EPM2A: variants seen among roughly 807,000 people sequenced by gnomAD.
EPM2A encodes laforin.
Under a neutral mutation model 26.5 loss-of-function variants are expected in EPM2A, and 21 were observed. That is an observed-to-expected ratio of 0.79 (90% CI 0.56 to 1.14). EPM2A has a LOEUF of 1.14. Among genes scored for constraint, EPM2A ranks in the 50% most tolerant of loss-of-function variants. The pLI is 0.00. For synonymous variants in EPM2A, 217 were observed against 177.6 expected (o/e 1.22, Z -1.76); for missense variants, 458 against 440.8 (o/e 1.04, Z -0.35).
In EPM2A at chr6:145,626,404, A is replaced by G; in HGVS notation, c.*1012T>C. 9.1e-6 allele frequency: 9 copies of G among 985,930 alleles called. No individual in the cohort carries two copies. The highest frequency in any genetic ancestry group is 1.1e-5 in the Non-Finnish European group (9 of 829,998). The allele number at this position is 985,930 out of a possible 1,614,324, so 61.1% of individuals were successfully genotyped here. On this transcript the variant is annotated 3_prime_UTR_variant, in exon 4 of 4. Coordinates refer to ENST00000367519, the MANE Select transcript of EPM2A (RefSeq NM_005670.4). ...CTCTTTTGGTAGTATAGTTCCTCTC[A>G]TGAATTTCCACTCTGGTCTTAAAAC...
chr6:145,576,815 C>A (rs1025068432), intron 2 of EPM2A, among the ~76,000 whole-genome samples: 1 of 151,764 alleles, frequency 6.6e-6, no homozygotes, highest in Non-Finnish European at 1.5e-5. Context: ...AAACCTACAA[C>A]AATTTGTTCA....
chr6:145,648,968 T>C (rs1777680293), intron 2 of EPM2A, among the ~76,000 whole-genome samples: 1 of 152,162 alleles, frequency 6.6e-6, no homozygotes, highest in Admixed American at 6.6e-5. Flanking sequence ...ATTTTCTTTC[T>C]TGATAAAGGA....
intron 2 of EPM2A, among the ~76,000 whole-genome samples, chr6:145,553,856 AATAC>A (rs974768636): frequency 1.4e-5 from 2 of 147,658 alleles, no homozygotes; most frequent in African/African-American, 4.9e-5. Flanking sequence ...TATGTATATA[AATAC>A]ATATATATTA....
At chr6:145,663,112 G>A (rs899963291) in intron 2 of EPM2A, among the ~76,000 whole-genome samples, 15 of 152,108 alleles carry the variant, frequency 9.9e-5, no homozygotes, top group African/African-American at 3.6e-4. Context: ...GACATACTCT[G>A]CACTGTAAAA....
At position 145,388,651 on chromosome 6, in the gene EPM2A, C is replaced by T. The variant is rs139775865; in HGVS notation, c.556-4554G>A. 5.2e-4 allele frequency among the ~76,000 whole-genome samples: 79 copies of T among 152,268 alleles called. 1 individual carries two copies. In the East Asian group the frequency reaches 0.012, roughly 24 times the overall value. ...TCTACATTAGGTATTTCTCCTAATG[C>T]TGTCCCTCCCCTTGCCCCTCAGCCC... On this transcript the variant is annotated intron_variant, in intron 4 of 4. Coordinates refer to the EPM2A transcript ENST00000638717.
intron 4 of EPM2A, among the ~76,000 whole-genome samples, chr6:145,434,097 T>A (rs1205394454): frequency 2.6e-5 from 4 of 152,082 alleles, no homozygotes; most frequent in Non-Finnish European, 5.9e-5. Flanking sequence ...AGATTGACAG[T>A]TTTTTTCCTT....
chr6:145,474,534 G>C (rs943116152), intron 4 of EPM2A, among the ~76,000 whole-genome samples: 2 of 152,030 alleles, frequency 1.3e-5, no homozygotes, highest in African/African-American at 4.8e-5. Flanking sequence ...AGAAAATCTA[G>C]GCAATACCAT....
At chr6:145,559,639 C>A (rs1212642007) in intron 2 of EPM2A, among the ~76,000 whole-genome samples, 1 of 149,874 alleles carries the variant, frequency 6.7e-6, no homozygotes, top group Non-Finnish European at 1.5e-5. Context: ...ACAATTTTGC[C>A]TATGGATGGC....
chr6:145,513,765 T>C (rs980303546), intron 2 of EPM2A, among the ~76,000 whole-genome samples: 2 of 152,192 alleles, frequency 1.3e-5, no homozygotes, highest in African/African-American at 4.8e-5. Context: ...GCCTACTAAC[T>C]CTCTTTTGAC....
At chr6:145,592,535 A>G (rs1006397285) in intron 2 of EPM2A, among the ~76,000 whole-genome samples, 2 of 152,156 alleles carry the variant, frequency 1.3e-5, no homozygotes, top group Non-Finnish European at 2.9e-5. Context: ...CAGTAATGGG[A>G]TGGCTGCGTC....
chr6:145,716,684 A>G (rs1775644336), intron 1 of EPM2A, among the ~76,000 whole-genome samples: 1 of 152,018 alleles, frequency 6.6e-6, no homozygotes, highest in South Asian at 2.1e-4. Context: ...AAATGCATTC[A>G]TGCAGCTCTC....
chr6:145,465,702 C>G (rs968739424), intron 4 of EPM2A, among the ~76,000 whole-genome samples: 2 of 151,998 alleles, frequency 1.3e-5, no homozygotes, highest in Non-Finnish European at 2.9e-5. Context: ...GGACCCTCAG[C>G]TGCAGGTCTG....
At chr6:145,673,980 C>A (rs1274922297) in intron 2 of EPM2A, among the ~76,000 whole-genome samples, 1 of 152,208 alleles carries the variant, frequency 6.6e-6, no homozygotes, top group Non-Finnish European at 1.5e-5. Flanking sequence ...AAAGAGACTG[C>A]CTCCTCAAGT....
In EPM2A at chr6:145,590,302, T is replaced by C. The variant is rs778491743; in HGVS notation, c.340+44943A>G. On this transcript the variant is annotated intron_variant, in intron 2 of 3. Transcript: ENST00000450221. ...TGTCAGGGGAAGAGGGGAGTAGCCA[T>C]TTTTAAATATACCAACTATTCTACA... 1.3e-4 allele frequency among the ~76,000 whole-genome samples: 20 copies of C among 152,122 alleles called. 1 individual carries two copies. Among genetic ancestry groups the C allele is most frequent in the Admixed American group, 6.5e-4 (10 of 15,290 alleles).
At chr6:145,491,135 C>T (rs1407146282) in intron 4 of EPM2A, 1 of 565,816 alleles carries the variant, frequency 1.8e-6, no homozygotes, top group Non-Finnish European at 3.4e-6. Flanking sequence ...GTATTTTCCT[C>T]TAATGGAGCT....
intron 2 of EPM2A, among the ~76,000 whole-genome samples, chr6:145,596,904 T>C (rs1171688644): frequency 1.7e-5 from 2 of 121,100 alleles, no homozygotes; most frequent in Non-Finnish European, 3.4e-5. Context: ...TTTTTTTTTT[T>C]TGAGACGGAG....
At chr6:145,710,022 A>C (rs981323968) in intron 1 of EPM2A, among the ~76,000 whole-genome samples, 1 of 152,214 alleles carries the variant, frequency 6.6e-6, no homozygotes, top group Non-Finnish European at 1.5e-5. Flanking sequence ...CCCTAGAAGA[A>C]AACCTAGGCA....
rs1778898536 is a variant in EPM2A, at chr6:145,429,730, T to A, written c.556-45633A>T. Among the ~76,000 whole-genome samples, 4 of 152,244 alleles carry A rather than the reference T, an allele frequency of 2.6e-5. No homozygotes were observed. The South Asian group carries it at 8.3e-4, about 32-fold the overall frequency. On this transcript the variant is annotated intron_variant, in intron 4 of 4. Transcript: ENST00000638717. ...TTATAGAAATTGTTGATGACTTTTT[T>A]TAAAATTAGGAGAATTTTTTAACAT...
chr6:145,470,221 A>T (rs1779456619), intron 4 of EPM2A, among the ~76,000 whole-genome samples: 1 of 152,136 alleles, frequency 6.6e-6, no homozygotes, highest in African/African-American at 2.4e-5. Context: ...GAGGTGATGG[A>T]TATCCCATTT....
Sources: allele counts gnomAD v4.1 joint callset (sites outside exome capture counted in the v4.1 genomes callset), GRCh38; gene constraint gnomAD v4.1.1; transcripts MANE v1.5; gene names NCBI Gene and HGNC (gene_info 2026-07-23, HGNC 2026-07-21).